CPEB2: variants seen among roughly 807,000 people sequenced by gnomAD.
CPEB2 encodes cytoplasmic polyadenylation element binding protein 2, also known as cytoplasmic polyadenylation element-binding protein 2.
A neutral mutation model predicts 93.6 loss-of-function variants in CPEB2; 56 were observed. That is an observed-to-expected ratio of 0.60 (90% confidence interval 0.48 to 0.75). The LOEUF is 0.75. CPEB2 is among the 30% of genes least tolerant of loss of function. The pLI is 0.00. For missense variants in CPEB2, 1,579 were observed against 1,395.1 expected (o/e 1.13, Z -2.10); for synonymous variants, 764 against 586.3 (o/e 1.30, Z -4.38).
chr4:15,019,399 T>A (rs749844280), intron 4 of CPEB2, among the ~76,000 whole-genome samples: 1 of 151,968 alleles, frequency 6.6e-6, no homozygotes. Context: ...CTCCGTACTC[T>A]GATTATTGTA....
At position 15,033,220 on chromosome 4, in the gene CPEB2, T is replaced by C. The variant is rs1293196272; in HGVS notation, c.2176+9T>C. ...TCTGTTGATGTTAAATGGTAAGTTT[T>C]ATAAAAACATTTTATGTTTCCAGTT... On this transcript the variant is annotated intron_variant, in intron 5 of 11. Coordinates refer to ENST00000538197, the MANE Select transcript of CPEB2 (RefSeq NM_001177382.2). The C allele has an allele frequency of 1.3e-6, 2 of 1,538,542 alleles. No homozygotes were observed. The highest frequency in any genetic ancestry group is 1.8e-6 in the Non-Finnish European group (2 of 1,113,664).
Position 15,015,398 on chromosome 4 carries a change from A to C in CPEB2, c.2035-1790A>C, listed in dbSNP as rs140264603. On this transcript the variant is annotated intron_variant, in intron 3 of 11. Transcript: ENST00000538197. ...ATCAGTAAAGAGTACTGATAGAGTT[A>C]ATTGGTGATAAAGCTGGAATAAGAG... Among the ~76,000 whole-genome samples the C allele has an allele frequency of 5.7e-4, 87 of 152,000 alleles. No homozygotes were observed. In the East Asian group the frequency reaches 0.011, roughly 20 times the overall value.
intron 6 of CPEB2, among the ~76,000 whole-genome samples, chr4:15,043,383 C>T (rs1246392966): frequency 6.6e-6 from 1 of 152,180 alleles, no homozygotes; most frequent in Non-Finnish European, 1.5e-5. Context: ...GTATCTCTAT[C>T]CCCTGGTAGC....
Position 15,002,581 on chromosome 4 carries a change from C to T in CPEB2, c.-93C>T, listed in dbSNP as rs1385734073. 8 of 1,078,450 alleles carry T rather than the reference C, an allele frequency of 7.4e-6. No homozygotes were observed. Among genetic ancestry groups the T allele is most frequent in the Admixed American group, 6.0e-5 (2 of 33,344 alleles). The allele number at this position is 1,078,450 out of a possible 1,614,324, so 66.8% of individuals were successfully genotyped here. ...GTCCCTCTCTCACTGACTCCCCCTCCTTCCACCACGGCCGCGCAACCCCAG... is the reference window on the plus strand; with the variant it reads ...GTCCCTCTCTCACTGACTCCCCCTCTTTCCACCACGGCCGCGCAACCCCAG... On this transcript the variant is annotated 5_prime_UTR_variant, in exon 1 of 12. Transcript: ENST00000538197.
intron 6 of CPEB2, among the ~76,000 whole-genome samples, chr4:15,051,825 C>T (rs1210252402): frequency 6.6e-6 from 1 of 152,202 alleles, no homozygotes; most frequent in African/African-American, 2.4e-5. Context: ...TAAGGATTAC[C>T]TCCTGAAATG....
intron 3 of CPEB2, among the ~76,000 whole-genome samples, chr4:15,016,249 G>A (rs1724130216): frequency 6.6e-6 from 1 of 152,014 alleles, no homozygotes; most frequent in South Asian, 2.1e-4. Flanking sequence ...ATATGTAACT[G>A]GGTGGGTGAG....
In CPEB2 at chr4:15,058,694, C is replaced by A. The variant is rs73797793; in HGVS notation, c.2580+155C>A. Among the ~76,000 whole-genome samples, 369 of 152,260 alleles carry A rather than the reference C, an allele frequency of 2.4e-3. 1 individual carries two copies. The highest frequency in any genetic ancestry group is 8.5e-3 in the African/African-American group (352 of 41,554). ...AATTTATAGCAGGAGTCCCCAACCCCTGGGCAGTGGACCAGTACTGGTGGT... is the reference window on the plus strand; with the variant it reads ...AATTTATAGCAGGAGTCCCCAACCCATGGGCAGTGGACCAGTACTGGTGGT... On this transcript the variant is annotated intron_variant, in intron 9 of 11. Transcript: ENST00000538197.
At chr4:15,066,053 A>C (rs920027389) in intron 11 of CPEB2, 100 bp from the exon 12 acceptor site, 121 of 1,002,020 alleles carry the variant, frequency 1.2e-4, no homozygotes, top group Non-Finnish European at 1.7e-4. Flanking sequence ...CTCAGCTTTT[A>C]ATGCTGGTCC....
chr4:15,022,176 G>A (rs1335108938), intron 4 of CPEB2, among the ~76,000 whole-genome samples: 2 of 151,986 alleles, frequency 1.3e-5, no homozygotes, highest in African/African-American at 4.8e-5. Context: ...TTCGTGTGGG[G>A]TGTAGAACAC....
At chr4:15,059,628 G>T (rs1046650682) in intron 10 of CPEB2, among the ~76,000 whole-genome samples, 4 of 152,048 alleles carry the variant, frequency 2.6e-5, no homozygotes, top group African/African-American at 9.7e-5. Context: ...TGTTTATTTT[G>T]TGTAGATCGA....
chr4:15,027,457 G>A (rs1725613096), intron 4 of CPEB2, among the ~76,000 whole-genome samples: 1 of 152,332 alleles, frequency 6.6e-6, no homozygotes, highest in Middle Eastern at 3.4e-3. Context: ...TATGAGGCAT[G>A]CATTGAAATT....
At chr4:15,040,328 G>T in intron 5 of CPEB2, 136 bp from the exon 6 acceptor site, 1 of 681,996 alleles carries the variant, frequency 1.5e-6, no homozygotes, top group South Asian at 2.0e-5. Flanking sequence ...CTTATATGGT[G>T]ACATTGTCAT....
chr4:15,030,445 C>T (rs1376781187), intron 4 of CPEB2, among the ~76,000 whole-genome samples: 2 of 152,066 alleles, frequency 1.3e-5, no homozygotes, highest in Admixed American at 1.3e-4. Flanking sequence ...ATACCTAACT[C>T]ATAGGATCGT....
intron 6 of CPEB2, among the ~76,000 whole-genome samples, chr4:15,050,613 C>T (rs376255843): frequency 5.3e-5 from 8 of 152,172 alleles, no homozygotes; most frequent in Admixed American, 3.3e-4. Context: ...TGTATGTCCT[C>T]AAAAACAACT....
At chr4:15,040,840 A>T (rs1428165125) in intron 6 of CPEB2, among the ~76,000 whole-genome samples, 5 of 152,130 alleles carry the variant, frequency 3.3e-5, no homozygotes, top group Non-Finnish European at 5.9e-5. Flanking sequence ...TGCTCTCTAA[A>T]TGTGTAACTG....
At chr4:15,033,493 A>T (rs1408725242) in intron 5 of CPEB2, among the ~76,000 whole-genome samples, 1 of 152,196 alleles carries the variant, frequency 6.6e-6, no homozygotes, top group East Asian at 1.9e-4. Context: ...CCTTGGACAG[A>T]TTACTATTAC....
At chr4:15,052,196 T>C (rs1728297383) in intron 6 of CPEB2, among the ~76,000 whole-genome samples, 1 of 152,134 alleles carries the variant, frequency 6.6e-6, no homozygotes, top group African/African-American at 2.4e-5. Context: ...GTTTAATTGT[T>C]GACATATGAC....
rs372102226 is a variant in CPEB2 at position 15,029,348 on chromosome 4, T to C, written c.2126-3813T>C. ...CCGACTGTATATGTTATATACAAAT[T>C]ACTATTTAAAATCGTAATAGACGAA... On this transcript the variant is annotated intron_variant, in intron 4 of 11. Transcript: ENST00000538197. Among the ~76,000 whole-genome samples, 19 of 152,218 alleles carry C rather than the reference T, an allele frequency of 1.2e-4. 1 individual carries two copies. In the South Asian group the frequency reaches 3.7e-3, roughly 30 times the overall value.
intron 3 of CPEB2, among the ~76,000 whole-genome samples, chr4:15,008,858 T>G (rs1388456233): frequency 1.3e-5 from 2 of 152,168 alleles, no homozygotes; most frequent in Admixed American, 6.5e-5. Flanking sequence ...TGAGATATAT[T>G]TCTAAAAAAG....
Sources: gnomAD v4.1 joint callset for allele counts (sites outside exome capture counted in the v4.1 genomes callset) on GRCh38, gnomAD v4.1.1 for gene constraint, MANE v1.5 for transcripts, NCBI Gene and HGNC (gene_info 2026-07-23, HGNC 2026-07-21) for gene names.